The following KAZN variants were observed in gnomAD, a reference collection of about 807,000 sequenced individuals.
The protein encoded by KAZN is kazrin.
A neutral mutation model predicts 87.4 loss-of-function variants in KAZN; 40 were observed. The observed-to-expected ratio is 0.46, with a 90% CI of 0.36 to 0.60. The LOEUF is 0.60. KAZN is among the 20% of genes least tolerant of loss of function. The pLI is 0.00. For synonymous variants in KAZN, 466 were observed against 458.3 expected, an observed-to-expected ratio of 1.02 and a Z score of -0.22; for missense variants, 898 against 1,073.9, an observed-to-expected ratio of 0.84 and a Z score of 2.29.
intron 1 of KAZN, among the ~76,000 whole-genome samples, chr1:14,803,721 C>T (rs549227894): frequency 6.6e-6 from 1 of 152,242 alleles, no homozygotes; most frequent in African/African-American, 2.4e-5. Context: ...GCTCTCACGG[C>T]CTGGAGAGGC....
chr1:13,896,067 C>T (rs1355680263), intron 1 of KAZN, among the ~76,000 whole-genome samples: 2 of 152,180 alleles, frequency 1.3e-5, no homozygotes, highest in East Asian at 1.9e-4. Context: ...TCATAGCTCA[C>T]TGCAACCTCA....
At chr1:13,951,360 A>C (rs1641337650) in intron 1 of KAZN, among the ~76,000 whole-genome samples, 1 of 152,142 alleles carries the variant, frequency 6.6e-6, no homozygotes, top group African/African-American at 2.4e-5. Context: ...AGGGTAGATG[A>C]GGATAAGATG....
chr1:13,893,430 G>C, exon 1 of KAZN: 1 of 528,208 alleles, frequency 1.9e-6, no homozygotes, highest in African/African-American at 2.0e-5. Context: ...TGCTGTGCAA[G>C]ATTTGCCAAG....
chr1:15,047,595 AC>A (rs1175246008), intron 4 of KAZN, among the ~76,000 whole-genome samples: 2 of 152,124 alleles, frequency 1.3e-5, no homozygotes, highest in African/African-American at 4.8e-5. Flanking sequence ...ACATGGCGAA[AC>A]CCTGATTCAA....
intron 1 of KAZN, among the ~76,000 whole-genome samples, chr1:14,871,860 T>G (rs748691670): frequency 6.7e-6 from 1 of 149,256 alleles, no homozygotes; most frequent in Non-Finnish European, 1.5e-5. Context: ...GGACTCAGAG[T>G]AGGGGAGAGA....
Position 15,094,837 on chromosome 1 carries a change from A to C in KAZN, c.1451A>C (p.Glu484Ala). Residue 484 changes from glutamate (E) to alanine (A), a missense_variant, in exon 10 of 15, where the codon GAG becomes GCG. Around this residue, in one of 3 missense-constraint regions of KAZN, gnomAD observed 521 missense variants for 689.4 expected, o/e 0.76. Coordinates refer to ENST00000376030, the MANE Select transcript of KAZN (RefSeq NM_201628.3). This position sits in a 1 kb window ranked among gnomAD's most constrained non-coding sequence, Gnocchi z 4.5. ...SGKVLLSLSD[E>A]DLQLGLGVCS... ...CAGGTGCTGCTGAGCCTGAGTGACG[A>C]GGACCTGCAGCTGGGCCTTGGGGTG... 1 of 1,550,358 alleles carries C rather than the reference A, an allele frequency of 6.5e-7. No homozygotes were observed. Among genetic ancestry groups the C allele is most frequent in the Non-Finnish European group, 8.7e-7 (1 of 1,146,518 alleles).
intron 8 of KAZN, among the ~76,000 whole-genome samples, chr1:15,071,130 G>A (rs937389659): frequency 1.3e-4 from 20 of 152,192 alleles, no homozygotes; most frequent in African/African-American, 4.3e-4. Flanking sequence ...TTAGCAGTTC[G>A]TATGTTAGAA....
intron 2 of KAZN, among the ~76,000 whole-genome samples, chr1:14,291,857 C>G (rs1030381558): frequency 6.6e-6 from 1 of 152,160 alleles, no homozygotes; most frequent in African/African-American, 2.4e-5. Flanking sequence ...AGGGGCTTTT[C>G]CCCCTGTGCT....
chr1:14,817,982 C>T (rs1386283245), intron 1 of KAZN, among the ~76,000 whole-genome samples: 1 of 152,218 alleles, frequency 6.6e-6, no homozygotes, highest in Non-Finnish European at 1.5e-5. Context: ...TGCTCATACA[C>T]AGCTGTTTCA....
At chr1:14,375,682 C>A (rs149346361) in intron 2 of KAZN, among the ~76,000 whole-genome samples, 1 of 152,036 alleles carries the variant, frequency 6.6e-6, no homozygotes, top group African/African-American at 2.4e-5. Context: ...GTCAGGAGAT[C>A]GAGACCATCC....
chr1:14,090,392 T>C (rs1167985879), intron 1 of KAZN, among the ~76,000 whole-genome samples: 1 of 152,130 alleles, frequency 6.6e-6, no homozygotes, highest in African/African-American at 2.4e-5. Flanking sequence ...TCTCTCTCTT[T>C]TTTTCTTCAG....
intron 1 of KAZN, among the ~76,000 whole-genome samples, chr1:13,894,183 C>A (rs372111457): frequency 1.3e-5 from 2 of 152,090 alleles, no homozygotes; most frequent in Admixed American, 6.5e-5. Flanking sequence ...TAATCTATGC[C>A]CCCCCAGCCC....
intron 1 of KAZN, among the ~76,000 whole-genome samples, chr1:14,162,489 G>T (rs1283081848): frequency 6.6e-6 from 1 of 151,744 alleles, no homozygotes; most frequent in African/African-American, 2.4e-5. Context: ...ATATTTCTAA[G>T]GCCACAGCAA....
At chr1:14,514,595 T>TATA (rs1671187589) in intron 2 of KAZN, among the ~76,000 whole-genome samples, 2 of 66,530 alleles carry the variant, frequency 3.0e-5, no homozygotes, top group African/African-American at 1.5e-4. Flanking sequence ...TTTTTATATT[T>TATA]TATATATATA....
In KAZN at chr1:13,951,979, T is replaced by G. The variant is rs1641364507; in HGVS notation, c.91+58223T>G. 2.6e-5 allele frequency among the ~76,000 whole-genome samples: 4 copies of G among 152,176 alleles called. No individual in the cohort carries two copies. In the South Asian group the frequency reaches 8.3e-4, roughly 32 times the overall value. On this transcript the variant is annotated intron_variant, in intron 1 of 16. Transcript: ENST00000636203. ...TTAGTAACAGTTTCCCAGGGAAATC[T>G]TGAACCAGGTCAGGCCTGTTTGCAG...
chr1:14,717,995 G>A (rs1334544493), intron 1 of KAZN, among the ~76,000 whole-genome samples: 1 of 152,204 alleles, frequency 6.6e-6, no homozygotes, highest in Non-Finnish European at 1.5e-5. Context: ...CAAGAGGGAC[G>A]CTTCCCCCAT....
chr1:14,912,914 T>C (rs1446888349), intron 1 of KAZN, among the ~76,000 whole-genome samples: 2 of 152,106 alleles, frequency 1.3e-5, no homozygotes, highest in Admixed American at 1.3e-4. Context: ...ACAAAGCCCT[T>C]CTCTCATAGG....
chr1:14,661,965 T>C (rs932163707), intron 1 of KAZN, among the ~76,000 whole-genome samples: 3 of 152,180 alleles, frequency 2.0e-5, no homozygotes, highest in Non-Finnish European at 4.4e-5. Flanking sequence ...GGTAGAATCA[T>C]AGCATCATCA....
chr1:14,467,893 C>A (rs569782277), intron 2 of KAZN, among the ~76,000 whole-genome samples: 1 of 152,234 alleles, frequency 6.6e-6, no homozygotes, highest in African/African-American at 2.4e-5. Context: ...CAGCAAACTT[C>A]CTGGTTTGAG....
Sources: allele counts gnomAD v4.1 joint callset (sites outside exome capture counted in the v4.1 genomes callset), GRCh38; gene constraint gnomAD v4.1.1; regional missense constraint gnomAD v4.1.1; non-coding constraint Gnocchi (gnomAD v3.1); transcripts MANE v1.5; gene names NCBI Gene and HGNC (gene_info 2026-07-23, HGNC 2026-07-21).